The following FOXP4 variants were observed in gnomAD, a reference collection of about 807,000 sequenced individuals.
The protein encoded by FOXP4 is forkhead box P4.
FOXP4 carries 25 observed loss-of-function variants against 82.6 expected under a neutral mutation model. The ratio of observed to expected loss-of-function variants is 0.30; its 90% CI spans 0.22 to 0.42. The LOEUF is 0.42. Ranked by LOEUF, FOXP4 falls within the 10% of genes least tolerant of loss-of-function variation. The pLI is 1.00. For synonymous variants in FOXP4, 415 were observed against 388.2 expected (o/e 1.07, Z -0.81); for missense variants, 785 against 900.9 (o/e 0.87, Z 1.65).
rs961207339 is a variant in FOXP4, at chr6:41,601,510, T to C, written c.*2574T>C. 9 of 152,256 alleles carry C rather than the reference T, an allele frequency of 5.9e-5. No homozygotes were observed. The highest frequency in any genetic ancestry group is 1.7e-4 in the African/African-American group (7 of 41,442). The allele number at this position is 152,256 out of a possible 1,614,324, so 9.4% of individuals were successfully genotyped here. A position where few individuals can be genotyped will look rare whatever the true frequency, so the allele number is the denominator to read the frequency against. ...TTTTTAAGATGGAGTTTCGCTCTTA[T>C]TGCCCAGACTGGAGTGCAGTGATGC... On this transcript the variant is annotated 3_prime_UTR_variant, in exon 17 of 17. Coordinates refer to ENST00000307972, the MANE Select transcript of FOXP4 (RefSeq NM_001012426.2).
rs1323033501 is a variant in FOXP4, at chr6:41,588,677, G to C, written c.1011G>C (p.Arg337=). The change falls in exon 9 of 17, where the codon CGG becomes CGC. Residue 337 remains arginine, a synonymous_variant. Coordinates refer to ENST00000307972, the MANE Select transcript of FOXP4 (RefSeq NM_001012426.2). The part of the protein sequence containing the change: ...HLNTEHALDD[R]STAQCRVQMQ... ...ACACAGAGCACGCCCTGGATGACCG[G>C]AGTACAGCCCAGTGCCGGGTACAGA... 3.1e-6 allele frequency: 5 copies of C among 1,613,950 alleles called. No individual in the cohort carries two copies. The highest frequency in any genetic ancestry group is 1.7e-5 in the Admixed American group (1 of 60,010).
intron 2 of FOXP4, among the ~76,000 whole-genome samples, chr6:41,566,545 C>G (rs1478441121): frequency 6.6e-6 from 1 of 152,174 alleles, no homozygotes; most frequent in Non-Finnish European, 1.5e-5. Context: ...CTTATATTTC[C>G]TCTTCCACCC....
chr6:41,581,900 C>T (rs1765823405), intron 3 of FOXP4, among the ~76,000 whole-genome samples: 2 of 152,228 alleles, frequency 1.3e-5, no homozygotes, highest in Admixed American at 6.5e-5. Flanking sequence ...CCTTTTTTCA[C>T]ATGCTCCTGT....
In FOXP4 at chr6:41,590,290, G is replaced by A; in HGVS notation, c.1377G>A (p.Glu459=). Residue 459 remains glutamate (E), a synonymous_variant, in exon 12 of 17, where the codon GAG becomes GAA. Coordinates refer to ENST00000307972, the MANE Select transcript of FOXP4 (RefSeq NM_001012426.2). ...PISSELAQNH[E]FYKNADVRPP... ...CCCCAGAGCTGGCCCAGAATCATGAGTTCTACAAGAACGCCGACGTCCGGC... is the reference window on the plus strand; with the variant it reads ...CCCCAGAGCTGGCCCAGAATCATGAATTCTACAAGAACGCCGACGTCCGGC... 2 of 1,614,042 alleles carry A rather than the reference G, an allele frequency of 1.2e-6. No homozygotes were observed. Among genetic ancestry groups the A allele is most frequent in the African/African-American group, 1.3e-5 (1 of 75,068 alleles).
At chr6:41,596,895 G>A (rs1766870562) in intron 14 of FOXP4, among the ~76,000 whole-genome samples, 1 of 152,144 alleles carries the variant, frequency 6.6e-6, no homozygotes, top group Admixed American at 6.5e-5. Flanking sequence ...CTGGGGGGAT[G>A]CCAGTTCCCA....
intron 2 of FOXP4, among the ~76,000 whole-genome samples, chr6:41,572,292 G>C (rs1765242976): frequency 6.6e-6 from 1 of 152,024 alleles, no homozygotes. Flanking sequence ...GCCTTCCCTG[G>C]CCACACACCC....
chr6:41,592,890 G>A (rs948471461), intron 13 of FOXP4, among the ~76,000 whole-genome samples: 3 of 152,120 alleles, frequency 2.0e-5, no homozygotes, highest in Admixed American at 1.3e-4. Context: ...CATCTCTGTG[G>A]TGTGTTCCTC....
chr6:41,590,082 G>A lies in FOXP4; in HGVS notation c.1269G>A (p.Arg423=), dbSNP rs758933926. Residue 423 remains arginine, a synonymous_variant, in exon 11 of 17, where the codon CGG becomes CGA. Coordinates refer to ENST00000307972, the MANE Select transcript of FOXP4 (RefSeq NM_001012426.2). ...CCGCAGCCCCTGTCACCCCTCTACG[G>A]CCCCCTGGCCTGGGCTCTGCCTCCC... ...TSAAAPVTPL[R]PPGLGSASLH... 6 of 1,613,606 alleles carry A rather than the reference G, an allele frequency of 3.7e-6. No individual in the cohort carries two copies. The African/African-American group carries it at 5.3e-5, about 14-fold the overall frequency.
chr6:41,589,322 G>A (rs1766349699), intron 9 of FOXP4, among the ~76,000 whole-genome samples: 1 of 152,266 alleles, frequency 6.6e-6, no homozygotes, highest in South Asian at 2.1e-4. Flanking sequence ...CCTGCTGTGA[G>A]AGGGTGGTCA....
At chr6:41,572,977 C>T (rs386469659) in intron 2 of FOXP4, among the ~76,000 whole-genome samples, 57 of 152,352 alleles carry the variant, frequency 3.7e-4, no homozygotes, top group Non-Finnish European at 8.2e-4. Context: ...TGACCCACTA[C>T]TGGGCCATGA....
chr6:41,587,614 G>T (rs868669871), intron 7 of FOXP4, 102 bp downstream of exon 7: 15 of 1,077,442 alleles, frequency 1.4e-5, no homozygotes, highest in Non-Finnish European at 2.0e-5. Flanking sequence ...TGGAGCCCAC[G>T]GACCGGAGGT....
At chr6:41,575,775 C>G (rs1357126464) in intron 2 of FOXP4, among the ~76,000 whole-genome samples, 2 of 149,708 alleles carry the variant, frequency 1.3e-5, no homozygotes, top group Non-Finnish European at 3.0e-5. Flanking sequence ...GCTGTTCCCT[C>G]CTGTCCCCCG....
At chr6:41,576,511 C>G (rs1765496007) in intron 2 of FOXP4, among the ~76,000 whole-genome samples, 1 of 152,046 alleles carries the variant, frequency 6.6e-6, no homozygotes, top group South Asian at 2.1e-4. Context: ...GGGGCCCATA[C>G]AGAAAAAACA....
chr6:41,591,383 G>T lies in FOXP4; in HGVS notation c.1536+61G>T. ...CACCCTTGGACCTGCCATATCCCATGGAGACCAAGGCTGCCTAACAATTAG... is the reference window on the plus strand; with the variant it reads ...CACCCTTGGACCTGCCATATCCCATTGAGACCAAGGCTGCCTAACAATTAG... On this transcript the variant is annotated intron_variant, in intron 13 of 16. Transcript: ENST00000307972. This position sits in a 1 kb window ranked among gnomAD's most constrained non-coding sequence, Gnocchi z 4.2. 1 of 1,367,464 alleles carries T rather than the reference G, an allele frequency of 7.3e-7. No individual in the cohort carries two copies. The highest frequency in any genetic ancestry group is 1.0e-6 in the Non-Finnish European group (1 of 982,232). The allele number at this position is 1,367,464 out of a possible 1,614,324, so 84.7% of individuals were successfully genotyped here.
intron 14 of FOXP4, among the ~76,000 whole-genome samples, chr6:41,596,132 A>T (rs1285841520): frequency 1.3e-5 from 2 of 152,214 alleles, no homozygotes; most frequent in Non-Finnish European, 2.9e-5. Context: ...TCCTGACCTC[A>T]GGTGATCTGC....
At chr6:41,577,860 A>G (rs1765571700) in intron 2 of FOXP4, 126 bp from the exon 3 acceptor site, 1 of 641,914 alleles carries the variant, frequency 1.6e-6, no homozygotes, top group African/African-American at 1.8e-5. Context: ...TGGACCCATG[A>G]CCCTCTCACC....
chr6:41,554,619 G>A (rs1764175280), intron 1 of FOXP4, among the ~76,000 whole-genome samples: 1 of 152,126 alleles, frequency 6.6e-6, no homozygotes, highest in Non-Finnish European at 1.5e-5. Context: ...CAGCACTTTG[G>A]GAGGCCAAGG....
At chr6:41,585,835 T>C (rs947916817) in intron 5 of FOXP4, among the ~76,000 whole-genome samples, 6 of 151,980 alleles carry the variant, frequency 3.9e-5, no homozygotes, top group African/African-American at 2.4e-5. Context: ...GGTCGCACCA[T>C]CTTCCTGCCC....
At chr6:41,548,408 G>C (rs1426417814) in intron 1 of FOXP4, 1 of 152,308 alleles carries the variant, frequency 6.6e-6, no homozygotes, top group Non-Finnish European at 1.5e-5. Context: ...CCCGGTTTCG[G>C]AGACCTGCCT....
Sources: gnomAD v4.1 joint callset for allele counts (sites outside exome capture counted in the v4.1 genomes callset) on GRCh38, gnomAD v4.1.1 for gene constraint, Gnocchi (gnomAD v3.1) non-coding constraint, MANE v1.5 for transcripts, NCBI Gene and HGNC (gene_info 2026-07-23, HGNC 2026-07-21) for gene names.